Variants in AHNAK observed in about 807,000 individuals in gnomAD.
AHNAK encodes neuroblast differentiation-associated protein AHNAK.
A neutral mutation model predicts 37.8 loss-of-function variants in AHNAK; 23 were observed. The ratio of observed to expected loss-of-function variants is 0.61; its 90% CI spans 0.44 to 0.86. AHNAK has a LOEUF of 0.86. AHNAK is among the 40% of genes least tolerant of loss of function. The pLI is 0.00. For synonymous variants in AHNAK, 2,481 were observed against 2,636.3 expected (o/e 0.94, Z 1.80); for missense variants, 7,411 against 7,319.4 (o/e 1.01, Z -0.46).
intron 5 of AHNAK, among the ~76,000 whole-genome samples, chr11:62,486,272 C>T (rs1177298683): frequency 1.3e-5 from 2 of 152,010 alleles, no homozygotes; most frequent in East Asian, 3.9e-4. Context: ...GTCAGGAGTT[C>T]GAGACCAGCC....
Position 62,531,599 on chromosome 11 carries a change from T to G in AHNAK, c.2818A>C (p.Asn940His), listed in dbSNP as rs1940751256. The G allele has an allele frequency of 6.2e-7, 1 of 1,613,564 alleles. No individual in the cohort carries two copies. ...ATGGAGATCTTGGGGGCCTTGATAT[T>G]CATCTCTGGCATCTTGAACTTGGGG... ...KGPKFKMPEM[N>H]IKAPKISMPD... The change falls in exon 5 of 5, where the codon AAT becomes CAT. Residue 940 changes from asparagine (N) to histidine (H), a missense_variant. Asn to His is a moderately conservative substitution (Grantham distance 68). Coordinates refer to ENST00000378024, the MANE Select transcript of AHNAK (RefSeq NM_001620.3).
At chr11:62,475,831 C>G (rs56104217) in intron 5 of AHNAK, among the ~76,000 whole-genome samples, 129,495 of 151,760 alleles carry the variant, frequency 0.85, 56,960 homozygotes, top group Non-Finnish European at 0.96. Context: ...TCTCGAGCTC[C>G]TGACCTCAGG....
intron 5 of AHNAK, among the ~76,000 whole-genome samples, chr11:62,463,647 T>G (rs528374255): frequency 9.8e-5 from 15 of 152,306 alleles, no homozygotes; most frequent in African/African-American, 3.6e-4. Flanking sequence ...GGTGACCGAC[T>G]GTCCTGGTTT....
chr11:62,543,919 G>T (rs1193978568), intron 1 of AHNAK, among the ~76,000 whole-genome samples: 1 of 152,172 alleles, frequency 6.6e-6, no homozygotes. Flanking sequence ...AATGGTGGGG[G>T]AGAGAGCCAC....
In AHNAK at chr11:62,527,524, G is replaced by A. The variant is rs1327380794; in HGVS notation, c.6893C>T (p.Pro2298Leu). 7 of 1,612,610 alleles carry A rather than the reference G, an allele frequency of 4.3e-6. No homozygotes were observed. In the Middle Eastern group the frequency reaches 6.6e-4, roughly 152 times the overall value. Residue 2298 changes from proline to leucine, a missense_variant, in exon 5 of 5, where the codon CCC becomes CTC. Transcript: ENST00000378024. ...LEGPEGKLKG[P>L]KFKMPEMHFK... ...GTGCATCTCAGGCATCTTAAACTTGGGGCCCTTCAGCTTCCCTTCTGGACC... is the reference window on the plus strand; with the variant it reads ...GTGCATCTCAGGCATCTTAAACTTGAGGCCCTTCAGCTTCCCTTCTGGACC...
Position 62,527,582 on chromosome 11 carries a change from C to T in AHNAK, c.6835G>A (p.Val2279Met). The T allele has an allele frequency of 1.2e-6, 2 of 1,613,548 alleles. No homozygotes were observed. Among genetic ancestry groups the T allele is most frequent in the Non-Finnish European group, 1.7e-6 (2 of 1,179,906 alleles). ...KADVDVSGPK[V>M]DVEVPDVSLE... The stretch of plus-strand genomic sequence containing the variant: ...CTCACATCTGGGACTTCAACATCCA[C>T]CTTGGGTCCTGAGACATCAACGTCA... Residue 2279 changes from valine (V) to methionine (M), a missense_variant, in exon 5 of 5, where the codon GTG (valine) becomes ATG (methionine). Transcript: ENST00000378024.
In AHNAK at chr11:62,523,375, T is replaced by C. The variant is rs552612615; in HGVS notation, c.11042A>G (p.Lys3681Arg). The C allele has an allele frequency of 3.1e-6, 5 of 1,612,862 alleles. No homozygotes were observed. In the African/African-American group the frequency reaches 6.7e-5, roughly 22 times the overall value. The change falls in exon 5 of 5, where the codon AAG becomes AGG. Residue 3681 changes from lysine (K) to arginine (R), a missense_variant. Lys to Arg is a conservative substitution (Grantham distance 26). Transcript: ENST00000378024. ...CACATCACCCTTCATTTTGGGTCCC[T>C]TCAAGTTCAGGTCAAAGTCAGGCAT... is the stretch of plus-strand genomic sequence containing the variant. The part of the protein sequence containing the change: ...ISMPDFDLNL[K>R]GPKMKGDVVV...
At chr11:62,484,418 C>T (rs560208748) in intron 5 of AHNAK, among the ~76,000 whole-genome samples, 8 of 152,064 alleles carry the variant, frequency 5.3e-5, no homozygotes, top group South Asian at 4.1e-4. Context: ...ACAAGAGAGA[C>T]GCCATAGGTC....
At position 62,520,391 on chromosome 11, in the gene AHNAK, G is replaced by C. The variant is rs1159017078; in HGVS notation, c.14026C>G (p.Leu4676Val). 2 of 1,613,112 alleles carry C rather than the reference G, an allele frequency of 1.2e-6. No homozygotes were observed. The stretch of plus-strand genomic sequence containing the variant: ...GAGACATCAATGTCAGCCTTGGGCA[G>C]GTTCACATCCACATCTGGGCCCTCT... ...KGEGPDVDVNLPKADIDVSGP... is the reference protein window; with the variant it reads ...KGEGPDVDVNVPKADIDVSGP... The change falls in exon 5 of 5, where the codon CTG (leucine) becomes GTG (valine). Residue 4676 changes from leucine to valine, a missense_variant. Leu to Val is a conservative substitution (Grantham distance 32, BLOSUM62 1). Transcript: ENST00000378024.
Position 62,523,606 on chromosome 11 carries a change from T to C in AHNAK, c.10811A>G (p.Lys3604Arg), listed in dbSNP as rs769910865. Residue 3604 changes from lysine to arginine, a missense_variant, in exon 5 of 5, where the codon AAA becomes AGA. Coordinates refer to ENST00000378024, the MANE Select transcript of AHNAK (RefSeq NM_001620.3). ...HGPDWHLKMP[K>R]VKMPKFSMPG... Reference sequence around the variant, plus strand: ...CATGCTGAACTTGGGCATTTTCACTTTGGGCATCTTCAGATGCCAGTCTGG... The same window carrying C: ...CATGCTGAACTTGGGCATTTTCACTCTGGGCATCTTCAGATGCCAGTCTGG... 1.2e-6 allele frequency: 2 copies of C among 1,614,204 alleles called. No homozygotes were observed. Among genetic ancestry groups the C allele is most frequent in the East Asian group, 2.2e-5 (1 of 44,884 alleles).
chr11:62,517,776 G>C lies in AHNAK; in HGVS notation c.16641C>G (p.Ala5547=). Reference sequence around the variant, plus strand: ...CTGACTCAGGAGATGCCATATTAAAGGCAGGCCCCTTCACACTGATATCAG... The same window carrying C: ...CTGACTCAGGAGATGCCATATTAAACGCAGGCCCCTTCACACTGATATCAG... ...AAPDISVKGP[A]FNMASPESDF... is the part of the protein sequence containing the mutation. Residue 5547 remains alanine (A), a synonymous_variant, in exon 5 of 5, where the codon GCC becomes GCG. Coordinates refer to ENST00000378024, the MANE Select transcript of AHNAK (RefSeq NM_001620.3). 1 of 1,614,156 alleles carries C rather than the reference G, an allele frequency of 6.2e-7. No individual in the cohort carries two copies. The highest frequency in any genetic ancestry group is 8.5e-7 in the Non-Finnish European group (1 of 1,180,036).
chr11:62,510,345 C>CT (rs1376415151), intron 4 of AHNAK, among the ~76,000 whole-genome samples: 1 of 152,006 alleles, frequency 6.6e-6, no homozygotes, highest in African/African-American at 2.4e-5. Context: ...CGCCCGCCCT[C>CT]TATTGGAGTT....
At position 62,521,166 on chromosome 11, in the gene AHNAK, A is replaced by G; in HGVS notation, c.13251T>C (p.Pro4417=). ...AACTGGGGCCTTTTATGTCAATTTCAGGGCCCTTGAGATCACCTTCCACTT... is the reference window on the plus strand; with the variant it reads ...AACTGGGGCCTTTTATGTCAATTTCGGGGCCCTTGAGATCACCTTCCACTT... ...LPKVEGDLKG[P]EIDIKGPSLD... The change falls in exon 5 of 5, where the codon CCT becomes CCC. Residue 4417 remains proline (P), a synonymous_variant. Transcript: ENST00000378024. The G allele has an allele frequency of 1.2e-6, 2 of 1,613,636 alleles. No individual in the cohort carries two copies. The highest frequency in any genetic ancestry group is 1.7e-6 in the Non-Finnish European group (2 of 1,179,874).
intron 4 of AHNAK, among the ~76,000 whole-genome samples, chr11:62,493,586 G>A (rs772902000): frequency 2.0e-5 from 3 of 150,856 alleles, no homozygotes; most frequent in Middle Eastern, 3.4e-3. Flanking sequence ...CACTCACCTC[G>A]GCCTCCCAAA....
At chr11:62,538,531 G>A (rs569958356) in intron 1 of AHNAK, among the ~76,000 whole-genome samples, 2 of 152,198 alleles carry the variant, frequency 1.3e-5, no homozygotes, top group East Asian at 1.9e-4. Context: ...GCCTACAGCC[G>A]TTTACATCCG....
chr11:62,453,730 A>T (rs1938590144), intron 5 of AHNAK, among the ~76,000 whole-genome samples: 1 of 152,216 alleles, frequency 6.6e-6, no homozygotes, highest in Admixed American at 6.5e-5. Context: ...TGTTCTAGGA[A>T]CACATCTCAA....
chr11:62,531,537 T>C lies in AHNAK; in HGVS notation c.2880A>G (p.Val960=). The C allele has an allele frequency of 6.2e-7, 1 of 1,614,148 alleles. No homozygotes were observed. The highest frequency in any genetic ancestry group is 1.1e-5 in the South Asian group (1 of 91,072). The part of the protein sequence containing the change: ...DVDLHMKGPK[V]KGEYDMTVPK... Reference sequence around the variant, plus strand: ...GCACTGTCATATCATATTCTCCCTTTACTTTAGGACCTTTCATATGCAAGT... The same window carrying C: ...GCACTGTCATATCATATTCTCCCTTCACTTTAGGACCTTTCATATGCAAGT... The change falls in exon 5 of 5, where the codon GTA becomes GTG. Residue 960 remains valine (V), a synonymous_variant. Coordinates refer to ENST00000378024, the MANE Select transcript of AHNAK (RefSeq NM_001620.3).
Position 62,517,232 on chromosome 11 carries a change from T to G in AHNAK, c.17185A>C (p.Thr5729Pro), listed in dbSNP as rs563407596. 6.2e-7 allele frequency: 1 copy of G among 1,614,188 alleles called. No homozygotes were observed. Among genetic ancestry groups the G allele is most frequent in the African/African-American group, 1.3e-5 (1 of 75,046 alleles). ...FSKPKGKGGV[T>P]GSPEASISGS... ...GAAATTGATGCTTCTGGTGAGCCAG[T>G]GACACCACCTTTCCCTTTAGGTTTG... The change falls in exon 5 of 5, where the codon ACT becomes CCT. Residue 5729 changes from threonine to proline, a missense_variant. By Grantham distance (38) the Thr-to-Pro change is conservative. Transcript: ENST00000378024.
At chr11:62,479,437 G>A (rs1198162417) in intron 5 of AHNAK, among the ~76,000 whole-genome samples, 1 of 149,556 alleles carries the variant, frequency 6.7e-6, no homozygotes, top group African/African-American at 2.4e-5. Context: ...AAAGTACTGG[G>A]ATTACGGGCG....
Sources: gnomAD v4.1 joint callset for allele counts (sites outside exome capture counted in the v4.1 genomes callset) on GRCh38, gnomAD v4.1.1 for gene constraint, MANE v1.5 for transcripts, NCBI Gene and HGNC (gene_info 2026-07-23, HGNC 2026-07-21) for gene names.